BMPR2: variants seen among roughly 807,000 people sequenced by gnomAD.
BMPR2 encodes bone morphogenetic protein receptor type 2.
BMPR2 carries 29 observed loss-of-function variants against 100.8 expected under a neutral mutation model. The observed-to-expected ratio is 0.29, with a 90% CI of 0.21 to 0.39. BMPR2 has a LOEUF of 0.39. Ranked by LOEUF, BMPR2 falls within the 10% of genes least tolerant of loss-of-function variation. The pLI is 1.00. For synonymous variants in BMPR2, 382 were observed against 442.3 expected (o/e 0.86, Z 1.71); for missense variants, 1,011 against 1,274.5 (o/e 0.79, Z 3.15).
chr2:202,410,496 G>C (rs1690991077), intron 1 of BMPR2, among the ~76,000 whole-genome samples: 1 of 152,206 alleles, frequency 6.6e-6, no homozygotes, highest in Non-Finnish European at 1.5e-5. Context: ...AATAATCATA[G>C]TATTGGATTC....
At chr2:202,403,537 T>C (rs1339501589) in intron 1 of BMPR2, among the ~76,000 whole-genome samples, 1 of 152,152 alleles carries the variant, frequency 6.6e-6, no homozygotes, top group African/African-American at 2.4e-5. Context: ...TCATTCAAAT[T>C]AGAAATTTAA....
At chr2:202,486,763 C>T (rs1490093633) in intron 3 of BMPR2, among the ~76,000 whole-genome samples, 1 of 152,150 alleles carries the variant, frequency 6.6e-6, no homozygotes, top group Admixed American at 6.5e-5. Context: ...TGGTGGTTTA[C>T]ACCTATAATC....
intron 1 of BMPR2, among the ~76,000 whole-genome samples, chr2:202,407,781 A>G (rs72925055): frequency 0.16 from 24,651 of 151,722 alleles, 2,396 homozygotes; most frequent in Middle Eastern, 0.24. Flanking sequence ...AAAAAACTGT[A>G]TTTATACTTT....
In BMPR2 at chr2:202,565,684, A is replaced by T. The variant is rs1394210146; in HGVS notation, c.*5738A>T. 6.6e-6 allele frequency: 1 copy of T among 152,578 alleles called. No homozygotes were observed. The highest frequency in any genetic ancestry group is 1.5e-5 in the Non-Finnish European group (1 of 67,996). The allele number at this position is 152,578 out of a possible 1,614,324, so 9.5% of individuals were successfully genotyped here. A position where few individuals can be genotyped will look rare whatever the true frequency, so the allele number is the denominator to read the frequency against. On this transcript the variant is annotated 3_prime_UTR_variant, in exon 13 of 13. Coordinates refer to ENST00000374580, the MANE Select transcript of BMPR2 (RefSeq NM_001204.7). ...TTTTGTATGAAATATTAAACACTAA[A>T]TGCAAGATTAACTTTCAAAAGCAAA... is the stretch of plus-strand genomic sequence containing the variant.
intron 1 of BMPR2, among the ~76,000 whole-genome samples, chr2:202,402,964 G>A (rs1212462289): frequency 2.0e-5 from 3 of 151,706 alleles, no homozygotes; most frequent in Non-Finnish European, 4.4e-5. Flanking sequence ...GAGTAGATGG[G>A]ATTACAGGCA....
chr2:202,480,921 C>T (rs946263133), intron 3 of BMPR2, among the ~76,000 whole-genome samples: 2 of 136,584 alleles, frequency 1.5e-5, no homozygotes, highest in Non-Finnish European at 3.1e-5. Context: ...TGCCACTGCA[C>T]TCCAGCCTGG....
At chr2:202,510,658 G>GT (rs548308738) in intron 3 of BMPR2, among the ~76,000 whole-genome samples, 12 of 151,604 alleles carry the variant, frequency 7.9e-5, no homozygotes, top group Admixed American at 3.3e-4. Flanking sequence ...CTAAAATGAG[G>GT]TTTTTTTTGT....
intron 3 of BMPR2, among the ~76,000 whole-genome samples, chr2:202,507,995 T>G (rs986031484): frequency 6.7e-6 from 1 of 149,948 alleles, no homozygotes; most frequent in Non-Finnish European, 1.5e-5. Context: ...CCACTGTGCC[T>G]GTCCCCTTTT....
In BMPR2 at chr2:202,515,758, G is replaced by A. The variant is rs552455975; in HGVS notation, c.621+779G>A. The stretch of plus-strand genomic sequence containing the variant: ...ACAAAAATTAACTGGGAGTGGTGGC[G>A]CCCGCCTGTAGTCCCAGCTGCTTGG... On this transcript the variant is annotated intron_variant, in intron 5 of 12. Coordinates refer to ENST00000374580, the MANE Select transcript of BMPR2 (RefSeq NM_001204.7). Among the ~76,000 whole-genome samples, 43 of 151,488 alleles carry A rather than the reference G, an allele frequency of 2.8e-4. No individual in the cohort carries two copies. In the Middle Eastern group the frequency reaches 0.014, roughly 48 times the overall value.
intron 3 of BMPR2, among the ~76,000 whole-genome samples, chr2:202,473,451 T>TAA (rs141525293): frequency 6.7e-6 from 1 of 148,862 alleles, no homozygotes; most frequent in Non-Finnish European, 1.5e-5. Context: ...GAACCTGTCT[T>TAA]AAAAAAAAAT....
At chr2:202,397,739 A>G (rs1042682126) in intron 1 of BMPR2, among the ~76,000 whole-genome samples, 4 of 151,666 alleles carry the variant, frequency 2.6e-5, no homozygotes, top group African/African-American at 9.6e-5. Context: ...AGCTCAAGCA[A>G]TCCTCCCACC....
At position 202,472,972 on chromosome 2, in the gene BMPR2, C is replaced by G. The variant is rs1488663838; in HGVS notation, c.418+5283C>G. Among the ~76,000 whole-genome samples, 3 of 152,246 alleles carry G rather than the reference C, an allele frequency of 2.0e-5. No homozygotes were observed. The East Asian group carries it at 5.8e-4, about 29-fold the overall frequency. Reference sequence around the variant, plus strand: ...TTTGCACTAACCTCAAGAAAAATAACTACTGTAATATCAAATGTCAGACAT... The same window carrying G: ...TTTGCACTAACCTCAAGAAAAATAAGTACTGTAATATCAAATGTCAGACAT... On this transcript the variant is annotated intron_variant, in intron 3 of 12. Coordinates refer to ENST00000374580, the MANE Select transcript of BMPR2 (RefSeq NM_001204.7).
intron 1 of BMPR2, among the ~76,000 whole-genome samples, chr2:202,448,925 GT>G (rs1197754504): frequency 1.4e-4 from 3 of 21,684 alleles, no homozygotes; most frequent in Non-Finnish European, 3.1e-4. Flanking sequence ...TTTAGAATTG[GT>G]GTGTGTGTGT....
intron 3 of BMPR2, among the ~76,000 whole-genome samples, chr2:202,481,252 C>G (rs1692655073): frequency 6.6e-6 from 1 of 152,086 alleles, no homozygotes. Flanking sequence ...GATCTCAGCT[C>G]ACTGCAACCT....
intron 1 of BMPR2, among the ~76,000 whole-genome samples, chr2:202,434,355 T>G (rs1691564671): frequency 6.6e-6 from 1 of 150,484 alleles, no homozygotes; most frequent in Admixed American, 6.6e-5. Flanking sequence ...TGGCAACAGT[T>G]TTTTGGGATG....
chr2:202,537,111 G>A (rs542393010), intron 9 of BMPR2, among the ~76,000 whole-genome samples: 18 of 152,106 alleles, frequency 1.2e-4, no homozygotes, highest in Admixed American at 5.2e-4. Flanking sequence ...GCCCAGGCTG[G>A]CCTCGAACTC....
intron 1 of BMPR2, among the ~76,000 whole-genome samples, chr2:202,452,920 CAGAGAAATGTTTA>C (rs1692016802): frequency 1.3e-5 from 2 of 152,166 alleles, no homozygotes; most frequent in Admixed American, 6.5e-5. Flanking sequence ...TAGGAGTCTT[CAGAGAAATGTTTA>C]AGAGGAACAG....
At chr2:202,463,202 G>A (rs1400788680) in intron 1 of BMPR2, among the ~76,000 whole-genome samples, 2 of 152,128 alleles carry the variant, frequency 1.3e-5, no homozygotes, top group Non-Finnish European at 2.9e-5. Flanking sequence ...GGTTTCCTGG[G>A]GTGGAAGGAG....
chr2:202,543,384 T>C (rs905751272), intron 10 of BMPR2, among the ~76,000 whole-genome samples: 5 of 151,184 alleles, frequency 3.3e-5, no homozygotes, highest in Non-Finnish European at 5.9e-5. Context: ...TATAATCTTT[T>C]AGTATAAATA....
Sources: gnomAD v4.1 joint callset for allele counts (sites outside exome capture counted in the v4.1 genomes callset) on GRCh38, gnomAD v4.1.1 for gene constraint, MANE v1.5 for transcripts, NCBI Gene and HGNC (gene_info 2026-07-23, HGNC 2026-07-21) for gene names.